The following GPHN variants were observed in gnomAD, a reference collection of about 807,000 sequenced individuals.
GPHN encodes gephyrin.
GPHN carries 17 observed loss-of-function variants against 95.5 expected under a neutral mutation model. That is an observed-to-expected ratio of 0.18 (90% confidence interval 0.12 to 0.27). The LOEUF (loss-of-function observed/expected upper bound fraction) is 0.27. GPHN is among the 10% of genes least tolerant of loss of function. GPHN has a pLI of 1.00. For synonymous variants in GPHN, 320 were observed against 322.5 expected (o/e 0.99, Z 0.08); for missense variants, 660 against 978.1 (o/e 0.67, Z 4.34).
the GPHN span, chr14:67,690,476 G>C: frequency 6.7e-7 from 1 of 1,498,352 alleles, no homozygotes; most frequent in East Asian, 2.3e-5. Context: ...AATGACAGGA[G>C]TCGTGGTGAG....
At chr14:67,087,546 T>C (rs1015227098) in intron 11 of GPHN, among the ~76,000 whole-genome samples, 9 of 152,184 alleles carry the variant, frequency 5.9e-5, no homozygotes, top group African/African-American at 2.2e-4. Flanking sequence ...CCTAGGAGTA[T>C]CTGAAGGTAG....
chr14:67,534,087 A>G, the GPHN span, among the ~76,000 whole-genome samples: 119 of 152,280 alleles, frequency 7.8e-4, no homozygotes, highest in African/African-American at 2.7e-3. Flanking sequence ...GGTTCAGGTA[A>G]AACACTTGAA....
At chr14:67,281,348 G>A in the GPHN span, among the ~76,000 whole-genome samples, 1 of 152,020 alleles carries the variant, frequency 6.6e-6, no homozygotes, top group Non-Finnish European at 1.5e-5. Flanking sequence ...CTAAATTCCT[G>A]CCTTCAGACA....
chr14:66,796,429 A>G (rs2060158825), intron 3 of GPHN, among the ~76,000 whole-genome samples: 2 of 152,234 alleles, frequency 1.3e-5, no homozygotes, highest in South Asian at 4.1e-4. Context: ...AGAAACCTCC[A>G]AACTATTCTT....
At chr14:66,916,205 T>C (rs376294503) in intron 6 of GPHN, 136 bp downstream of exon 6, 18 of 699,592 alleles carry the variant, frequency 2.6e-5, no homozygotes, top group East Asian at 1.3e-4. Context: ...CCAAAGTCAC[T>C]CTTGGGTTCA....
intron 9 of GPHN, among the ~76,000 whole-genome samples, chr14:67,010,453 G>A (rs1274297261): frequency 6.6e-6 from 1 of 151,244 alleles, no homozygotes; most frequent in Non-Finnish European, 1.5e-5. Context: ...TCGGGAGGTT[G>A]AGGCAGAAGA....
In GPHN at chr14:67,181,506, A is replaced by G. The variant is rs938834780; in HGVS notation, c.*569A>G. ...GCATCCAGGGAGGTTTCTCGCCCCA[A>G]TAGCCTCACGGCACAGTACTCTTGG... On this transcript the variant is annotated 3_prime_UTR_variant, in exon 23 of 23. Coordinates refer to ENST00000478722, the MANE Select transcript of GPHN (RefSeq NM_020806.5). The G allele has an allele frequency of 4.6e-5, 24 of 516,898 alleles. 1 individual carries two copies. The highest frequency in any genetic ancestry group is 7.6e-5 in the African/African-American group (4 of 52,776). 32.0% of individuals were successfully genotyped at this position (516,898 alleles called of 1,614,324 possible).
the GPHN span, among the ~76,000 whole-genome samples, chr14:67,329,070 G>C: frequency 6.6e-5 from 10 of 152,186 alleles, no homozygotes; most frequent in Non-Finnish European, 1.3e-4. Context: ...ACCTTGGGCA[G>C]TATGGCCATT....
chr14:66,731,351 T>C (rs1220018000), intron 2 of GPHN, among the ~76,000 whole-genome samples: 1 of 152,176 alleles, frequency 6.6e-6, no homozygotes, highest in African/African-American at 2.4e-5. Flanking sequence ...GTGGGAAAGT[T>C]TGGAACTTCC....
At chr14:66,642,555 T>G (rs1365424392) in intron 1 of GPHN, among the ~76,000 whole-genome samples, 1 of 130,082 alleles carries the variant, frequency 7.7e-6, no homozygotes, top group African/African-American at 3.9e-5. Flanking sequence ...ACATTTTGAT[T>G]TTTGTTTTTT....
At chr14:67,265,778 A>T in the GPHN span, among the ~76,000 whole-genome samples, 656 of 149,476 alleles carry the variant, frequency 4.4e-3, 6 homozygotes, top group African/African-American at 0.016. Context: ...AATCACTTGA[A>T]CCCGGGAGGT....
chr14:67,412,107 C>T, the GPHN span: 4 of 1,463,070 alleles, frequency 2.7e-6, no homozygotes, highest in South Asian at 4.0e-5. Context: ...TTCCCCGCGC[C>T]TCGCGCTCCT....
At chr14:66,762,368 T>G (rs879570873) in intron 2 of GPHN, among the ~76,000 whole-genome samples, 2 of 152,182 alleles carry the variant, frequency 1.3e-5, no homozygotes, top group Non-Finnish European at 2.9e-5. Context: ...TAATACAAAC[T>G]GATTATATTC....
the GPHN span, chr14:67,621,089 C>A: frequency 1.1e-6 from 1 of 891,368 alleles, no homozygotes; most frequent in Non-Finnish European, 1.8e-6. Flanking sequence ...ATCCCGCATC[C>A]TCCTTTGGAT....
At position 67,058,771 on chromosome 14, in the gene GPHN, A is replaced by G. The variant is rs776300885; in HGVS notation, c.1129A>G (p.Ile377Val). The G allele has an allele frequency of 1.2e-5, 19 of 1,613,628 alleles. No homozygotes were observed. Among genetic ancestry groups the G allele is most frequent in the Non-Finnish European group, 1.6e-5 (19 of 1,179,684 alleles). ...LEMTPVLGTE[I>V]INYRDGMGRV... The stretch of plus-strand genomic sequence containing the variant: ...GATGACTCCGGTGCTTGGGACAGAA[A>G]TCATCAATTACCGAGGTACTATTAT... Residue 377 changes from isoleucine to valine, a missense_variant, in exon 11 of 23, where the codon ATC becomes GTC. Physicochemically the swap from Ile to Val is conservative, Grantham distance 29. Around this residue, in one of 6 missense-constraint regions of GPHN, gnomAD observed 257 missense variants for 376.2 expected, o/e 0.68. Transcript: ENST00000478722.
the GPHN span, among the ~76,000 whole-genome samples, chr14:67,514,311 A>G: frequency 6.6e-6 from 1 of 152,084 alleles, no homozygotes; most frequent in Non-Finnish European, 1.5e-5. Flanking sequence ...CTGAGCATAG[A>G]AAGAGGGAAA....
At chr14:66,629,193 G>T (rs1316891195) in intron 1 of GPHN, among the ~76,000 whole-genome samples, 3 of 135,638 alleles carry the variant, frequency 2.2e-5, no homozygotes, top group African/African-American at 2.7e-5. Flanking sequence ...ATATAAATAT[G>T]TATATAAATA....
At chr14:67,683,436 C>T in the GPHN span, among the ~76,000 whole-genome samples, 1 of 152,306 alleles carries the variant, frequency 6.6e-6, no homozygotes, top group East Asian at 1.9e-4. Context: ...ATAGATAACA[C>T]ACATGCAACA....
At chr14:67,663,380 TGTAA>T in the GPHN span, among the ~76,000 whole-genome samples, 8 of 152,056 alleles carry the variant, frequency 5.3e-5, no homozygotes, top group Non-Finnish European at 1.5e-5. Flanking sequence ...ATAAAGAAAA[TGTAA>T]GTGACAAGGC....
Sources: gnomAD v4.1 joint callset for allele counts (sites outside exome capture counted in the v4.1 genomes callset) on GRCh38, gnomAD v4.1.1 for gene constraint, gnomAD v4.1.1 regional missense constraint, MANE v1.5 for transcripts, NCBI Gene and HGNC (gene_info 2026-07-23, HGNC 2026-07-21) for gene names.